Variants in CEP192 observed in about 807,000 individuals in gnomAD.
CEP192 encodes the protein centrosomal protein 192.
In CEP192, 151 loss-of-function variants were observed where a neutral mutation model predicts 271.8. That is an observed-to-expected ratio of 0.56 (90% CI 0.49 to 0.64). The LOEUF is 0.64. Ranked by LOEUF, CEP192 falls within the 30% of genes least tolerant of loss-of-function variation. The pLI is 0.00. For synonymous variants in CEP192, 995 were observed against 1,076.5 expected, an observed-to-expected ratio of 0.92 and a Z score of 1.48; for missense variants, 2,910 against 3,020.5, an observed-to-expected ratio of 0.96 and a Z score of 0.86.
chr18:13,089,107 C>T (rs1598568848), intron 32 of CEP192, among the ~76,000 whole-genome samples: 3 of 152,144 alleles, frequency 2.0e-5, no homozygotes, highest in East Asian at 3.9e-4. Flanking sequence ...TAGGTATTCC[C>T]CTTCAAATGT....
chr18:13,046,829 CTTTTTTT>C (rs574030180), intron 15 of CEP192, among the ~76,000 whole-genome samples: 2,201 of 122,368 alleles, frequency 0.018, 67 homozygotes, highest in African/African-American at 0.063. Context: ...AATATCCTTA[CTTTTTTT>C]TTTTTTTTTT....
intron 36 of CEP192, 116 bp downstream of exon 36, chr18:13,096,423 C>T: frequency 2.2e-6 from 3 of 1,370,486 alleles, no homozygotes; most frequent in Non-Finnish European, 3.0e-6. Flanking sequence ...ACCGTGCTGA[C>T]TCTGCACAAA....
At chr18:13,051,027 A>G (rs188652627) in intron 17 of CEP192, among the ~76,000 whole-genome samples, 4 of 152,320 alleles carry the variant, frequency 2.6e-5, no homozygotes, top group East Asian at 1.9e-4. Flanking sequence ...TACTGTCCCT[A>G]TGGAAGACTA....
In CEP192 at chr18:13,096,192, G is replaced by T; in HGVS notation, c.6442G>T (p.Ala2148Ser). The stretch of plus-strand genomic sequence containing the variant: ...TGTATCTGACAAAATAGGTGACATG[G>T]CAAAAACTGGACGTTTCCAGATTGT... ...ILVAPSPCDMAKTGRFQIVNN... is the reference protein window; with the variant it reads ...ILVAPSPCDMSKTGRFQIVNN... The change falls in exon 36 of 45, where the codon GCA becomes TCA. Residue 2148 changes from alanine (A) to serine (S), a missense_variant. Physicochemically the swap from Ala to Ser is moderately conservative, Grantham distance 99. Coordinates refer to ENST00000506447, the MANE Select transcript of CEP192 (RefSeq NM_032142.4). 2.5e-6 allele frequency: 4 copies of T among 1,613,754 alleles called. No homozygotes were observed. Among genetic ancestry groups the T allele is most frequent in the Non-Finnish European group, 3.4e-6 (4 of 1,179,820 alleles).
intron 1 of CEP192, among the ~76,000 whole-genome samples, chr18:12,994,784 G>T (rs28641764): frequency 0.7 from 106,881 of 151,898 alleles, 38,805 homozygotes; most frequent in African/African-American, 0.89. Context: ...TCTAACAATA[G>T]TTGTTCCTGA....
rs147134015 is a variant in CEP192 at position 13,077,198 on chromosome 18, G to A, written c.5616+4013G>A. On this transcript the variant is annotated intron_variant, in intron 30 of 44. Transcript: ENST00000506447. ...TACATAACAACTCGGAATAAGTTAT[G>A]ATGGTTTCAAGTTTGCAAGGAAGTA... Among the ~76,000 whole-genome samples the A allele has an allele frequency of 2.0e-3, 306 of 152,330 alleles. 2 individuals carry two copies. The Middle Eastern group carries it at 0.02, about 10-fold the overall frequency.
At chr18:13,083,915 C>T (rs1186615187) in intron 30 of CEP192, among the ~76,000 whole-genome samples, 3 of 152,162 alleles carry the variant, frequency 2.0e-5, no homozygotes, top group Non-Finnish European at 4.4e-5. Flanking sequence ...GAGGTACACT[C>T]CAGATCCTGT....
At chr18:13,086,611 C>CA (rs1337268442) in intron 30 of CEP192, among the ~76,000 whole-genome samples, 8 of 152,200 alleles carry the variant, frequency 5.3e-5, no homozygotes, top group African/African-American at 1.9e-4. Context: ...GAGCTGCAGA[C>CA]AGGATCTGTT....
rs1346721691 is a variant in CEP192, at chr18:13,103,528, G to A, written c.6891G>A (p.Glu2297=). 6.2e-7 allele frequency: 1 copy of A among 1,613,900 alleles called. No homozygotes were observed. Among genetic ancestry groups the A allele is most frequent in the East Asian group, 2.2e-5 (1 of 44,854 alleles). ...GETSESCLEL[E]NHGTTDVKWH... ...TTTTAGAGAGCTGTCTAGAACTCGA[G>A]AATCATGGCACCACAGACGTGAAAT... The change falls in exon 39 of 45, where the codon GAG becomes GAA. Residue 2297 remains glutamate, a synonymous_variant. Coordinates refer to ENST00000506447, the MANE Select transcript of CEP192 (RefSeq NM_032142.4).
At chr18:13,018,374 C>A in intron 7 of CEP192, 106 bp from the exon 8 acceptor site, 2 of 663,926 alleles carry the variant, frequency 3.0e-6, no homozygotes, top group Non-Finnish European at 2.4e-6. Context: ...TTTCTAATTC[C>A]TTCTACACTT....
chr18:13,074,046 A>G (rs1292729091), intron 30 of CEP192, among the ~76,000 whole-genome samples: 3 of 152,220 alleles, frequency 2.0e-5, no homozygotes, highest in Non-Finnish European at 4.4e-5. Flanking sequence ...AAAGGAAGCA[A>G]CGGCAAGGCA....
intron 30 of CEP192, among the ~76,000 whole-genome samples, chr18:13,074,409 G>T (rs887160779): frequency 6.6e-6 from 1 of 152,186 alleles, no homozygotes; most frequent in Non-Finnish European, 1.5e-5. Flanking sequence ...CTGATTTTGT[G>T]TGAGGATAAT....
chr18:13,075,491 G>A (rs1009133679), intron 30 of CEP192, among the ~76,000 whole-genome samples: 5 of 152,002 alleles, frequency 3.3e-5, no homozygotes, highest in African/African-American at 4.8e-5. Flanking sequence ...GCTTGAACCC[G>A]GGAGGCGGAG....
intron 5 of CEP192, among the ~76,000 whole-genome samples, chr18:13,013,495 A>G (rs987941827): frequency 6.6e-6 from 1 of 152,188 alleles, no homozygotes; most frequent in Non-Finnish European, 1.5e-5. Context: ...GAAAAGAGAA[A>G]AAAGACAGGT....
intron 11 of CEP192, among the ~76,000 whole-genome samples, chr18:13,037,000 C>T (rs530574002): frequency 6.6e-6 from 1 of 152,224 alleles, no homozygotes; most frequent in Non-Finnish European, 1.5e-5. Flanking sequence ...ATTGTAAAGC[C>T]CCTGAGTAAA....
In CEP192 at chr18:13,122,289, G is replaced by A. The variant is rs2040700983; in HGVS notation, c.7476-2343G>A. On this transcript the variant is annotated intron_variant, in intron 44 of 44. Coordinates refer to ENST00000506447, the MANE Select transcript of CEP192 (RefSeq NM_032142.4). ...ATACAAAAATTAGCTGGGCAAGGTG[G>A]CGCATGTCTGTAATCCTAGCTACTC... is the stretch of plus-strand genomic sequence containing the variant. 3.3e-5 allele frequency among the ~76,000 whole-genome samples: 5 copies of A among 152,246 alleles called. 1 individual carries two copies. In the South Asian group the frequency reaches 1.0e-3, roughly 32 times the overall value.
rs561379132 is a variant in CEP192 at position 13,049,195 on chromosome 18, A to G, written c.2404A>G (p.Arg802Gly). 1.9e-6 allele frequency: 3 copies of G among 1,614,030 alleles called. No individual in the cohort carries two copies. The highest frequency in any genetic ancestry group is 1.7e-5 in the Admixed American group (1 of 60,026). The change falls in exon 16 of 45, where the codon AGG becomes GGG. Residue 802 changes from arginine (R) to glycine (G), a missense_variant. Arg to Gly is a moderately radical substitution (Grantham distance 125, BLOSUM62 -2). Coordinates refer to ENST00000506447, the MANE Select transcript of CEP192 (RefSeq NM_032142.4). The part of the protein sequence containing the change: ...RYESALENFS[R>G]ASMSDTWDLS... ...TGAAAGTGCATTGGAAAACTTTTCAAGGGCTAGTATGTCTGATACTTGGGA... is the reference window on the plus strand; with the variant it reads ...TGAAAGTGCATTGGAAAACTTTTCAGGGGCTAGTATGTCTGATACTTGGGA...
intron 2 of CEP192, among the ~76,000 whole-genome samples, chr18:13,000,091 C>CTCTCTCTTTTTTTTTT (rs1555698196): frequency 5.2e-5 from 4 of 76,750 alleles, no homozygotes; most frequent in African/African-American, 1.7e-4. Context: ...TGTCTTCTCT[C>CTCTCTCTTTTTTTTTT]TTTTTTTTTT....
At chr18:13,089,627 G>A (rs1337815951) in intron 33 of CEP192, 62 bp downstream of exon 33, 1 of 775,980 alleles carries the variant, frequency 1.3e-6, no homozygotes, top group Non-Finnish European at 2.2e-6. Flanking sequence ...TATTATCTAT[G>A]TCCAATGATG....
Sources: gnomAD v4.1 joint callset for allele counts (sites outside exome capture counted in the v4.1 genomes callset) on GRCh38, gnomAD v4.1.1 for gene constraint, MANE v1.5 for transcripts, NCBI Gene and HGNC (gene_info 2026-07-23, HGNC 2026-07-21) for gene names.